The following FANCA variants were observed in gnomAD, a reference collection of about 807,000 sequenced individuals.
The protein encoded by FANCA is FA complementation group A.
FANCA carries 236 observed loss-of-function variants against 194.3 expected under a neutral mutation model. The observed-to-expected ratio is 1.21, with a 90% confidence interval of 1.09 to 1.35. The LOEUF is 1.35. Ranked by LOEUF, FANCA falls within the 40% of genes most tolerant of loss-of-function variation. FANCA has a pLI of 0.00. For missense variants in FANCA, 2,628 were observed against 1,813.9 expected, an observed-to-expected ratio of 1.45 and a Z score of -8.15; for synonymous variants, 1,014 against 715.8, an observed-to-expected ratio of 1.42 and a Z score of -6.65.
Position 89,770,260 on chromosome 16 carries a change from C to T in FANCA, c.2223-1G>A. 1 of 1,571,974 alleles carries T rather than the reference C, an allele frequency of 6.4e-7. No individual in the cohort carries two copies. Among genetic ancestry groups the T allele is most frequent in the Non-Finnish European group, 8.6e-7 (1 of 1,158,474 alleles). ...GAAGAGGGCAGCCCAGGGACCCTGC[C>T]TGCAGAGACAGCCGTGAAACCATCA... On this transcript the variant is annotated splice_acceptor_variant, in intron 24 of 42. Transcript: ENST00000389301. LOFTEE classifies it high-confidence loss of function.
Position 89,749,781 on chromosome 16 carries a change from C to G in FANCA, c.3188G>C (p.Trp1063Ser), listed in dbSNP as rs1166286386. The change falls in exon 32 of 43, where the codon TGG (tryptophan) becomes TCG (serine). Residue 1063 changes from tryptophan to serine, a missense_variant. By Grantham distance (177) the Trp-to-Ser change is radical (BLOSUM62 -3). Coordinates refer to ENST00000389301, the MANE Select transcript of FANCA (RefSeq NM_000135.4). ...RRRLQALTSG[W>S]SVAASLQRQR... is the part of the protein sequence containing the mutation. ...TCTCTGAAGGCTGGCAGCCACGCTC[C>G]ACCCGCTTGTCAGAGCCTGGAGCCG... 6.2e-7 allele frequency: 1 copy of G among 1,614,232 alleles called. No homozygotes were observed. Among genetic ancestry groups the G allele is most frequent in the Non-Finnish European group, 8.5e-7 (1 of 1,180,036 alleles).
intron 38 of FANCA, 92 bp downstream of exon 38, chr16:89,740,712 G>T: frequency 9.6e-7 from 1 of 1,043,218 alleles, no homozygotes; most frequent in South Asian, 1.3e-5. Context: ...TCCTGAGCTA[G>T]TCTGGAAACC....
chr16:89,759,941 G>A (rs994077314), intron 29 of FANCA, among the ~76,000 whole-genome samples: 5 of 151,814 alleles, frequency 3.3e-5, no homozygotes, highest in African/African-American at 1.2e-4. Flanking sequence ...GGACCTGGGT[G>A]CTCCACCCAC....
At chr16:89,782,832 G>C (rs369381717) in intron 17 of FANCA, 27 bp downstream of exon 17, 23 of 1,599,372 alleles carry the variant, frequency 1.4e-5, no homozygotes, top group African/African-American at 1.2e-4. Flanking sequence ...GACTGGCTGA[G>C]ACCCTGCAGG....
Position 89,749,901 on chromosome 16 carries a change from T to G in FANCA, c.3068A>C (p.Glu1023Ala). The change falls in exon 32 of 43, where the codon GAG (glutamate) becomes GCG (alanine). Residue 1023 changes from glutamate (E) to alanine (A), a missense_variant and splice_region_variant. Transcript: ENST00000389301. ...CTGCAGCTCCAGGTCAGCTACCATC[T>G]CCTGAAAAAGAGCAGTATGCTGGCA... is the stretch of plus-strand genomic sequence containing the variant. ...GNEDIISRLQ[E>A]MVADLELQQD... 1 of 1,613,976 alleles carries G rather than the reference T, an allele frequency of 6.2e-7. No individual in the cohort carries two copies.
intron 41 of FANCA, 29 bp downstream of exon 41, chr16:89,739,104 C>G (rs545928949): frequency 2.5e-6 from 4 of 1,613,980 alleles, no homozygotes; most frequent in East Asian, 2.2e-5. Flanking sequence ...GGGAGCTCCC[C>G]TGGAGGTGGG....
At chr16:89,757,620 G>A (rs1033923085) in intron 30 of FANCA, among the ~76,000 whole-genome samples, 1 of 152,194 alleles carries the variant, frequency 6.6e-6, no homozygotes, top group African/African-American at 2.4e-5. Flanking sequence ...CTTGCCATCT[G>A]TACTGAATGC....
chr16:89,739,247 C>G lies in FANCA; in HGVS notation c.4053G>C (p.Glu1351Asp), dbSNP rs1477796994. ...TGTCCACAGCAACATGCAGGAAGGC[C>G]TCTTCCCTGATGGCCGCGTCTTCAT... ...YFHEDAAIRE[E>D]AFLHVAVDMY... Residue 1351 changes from glutamate to aspartate, a missense_variant, in exon 41 of 43, where the codon GAG becomes GAC. By Grantham distance (45) the Glu-to-Asp change is conservative (BLOSUM62 2). Coordinates refer to ENST00000389301, the MANE Select transcript of FANCA (RefSeq NM_000135.4). The G allele has an allele frequency of 7.4e-6, 12 of 1,614,068 alleles. No individual in the cohort carries two copies. The highest frequency in any genetic ancestry group is 1.0e-5 in the Non-Finnish European group (12 of 1,180,058).
rs1172967239 is a variant in FANCA at position 89,791,976 on chromosome 16, A to C, written c.1176T>G (p.Phe392Leu). 2 of 1,614,084 alleles carry C rather than the reference A, an allele frequency of 1.2e-6. No homozygotes were observed. The highest frequency in any genetic ancestry group is 1.7e-6 in the Non-Finnish European group (2 of 1,180,046). The change falls in exon 13 of 43, where the codon TTT (phenylalanine) becomes TTG (leucine). Residue 392 changes from phenylalanine (F) to leucine (L), a missense_variant. Physicochemically the swap from Phe to Leu is conservative, Grantham distance 22. Coordinates refer to ENST00000389301, the MANE Select transcript of FANCA (RefSeq NM_000135.4). ...GAAAGCAGACAACCAGGGCAGACAC[A>C]AAGGAGAGCACTCTCTGCCAGTGAA... ...QEVHWQRVLS[F>L]VSALVVCFPE...
At chr16:89,752,043 T>C in intron 31 of FANCA, 95 bp downstream of exon 31, 1 of 1,093,962 alleles carries the variant, frequency 9.1e-7, no homozygotes, top group Non-Finnish European at 1.4e-6. Context: ...GTTCTGGGAT[T>C]ACAGGCGTGA....
chr16:89,775,646 C>A, intron 21 of FANCA, 96 bp downstream of exon 21: 1 of 1,024,240 alleles, frequency 9.8e-7, no homozygotes, highest in Non-Finnish European at 1.5e-6. Context: ...ACAGCCACCC[C>A]CGAGCTCACT....
intron 30 of FANCA, among the ~76,000 whole-genome samples, chr16:89,757,697 C>A (rs2038811339): frequency 6.6e-6 from 1 of 152,136 alleles, no homozygotes; most frequent in African/African-American, 2.4e-5. Context: ...TGGACAGCCC[C>A]AGGTACACTC....
intron 26 of FANCA, among the ~76,000 whole-genome samples, chr16:89,767,443 C>T (rs550011626): frequency 7.2e-5 from 11 of 152,100 alleles, no homozygotes; most frequent in East Asian, 3.9e-4. Flanking sequence ...CCTGGGCTCA[C>T]TGCAATCTCT....
intron 30 of FANCA, among the ~76,000 whole-genome samples, chr16:89,753,430 C>A (rs1281175133): frequency 6.6e-6 from 1 of 152,112 alleles, no homozygotes; most frequent in African/African-American, 2.4e-5. Flanking sequence ...AGGGAGAGAC[C>A]CACCGACCCT....
At chr16:89,778,380 T>C (rs541819769) in intron 20 of FANCA, 3 of 376,310 alleles carry the variant, frequency 8.0e-6, no homozygotes, top group African/African-American at 2.3e-5. Flanking sequence ...GCAGGACAAT[T>C]GCTCCAACCC....
rs1052228819 is a variant in FANCA, at chr16:89,737,598, C to T, written c.*1003G>A. 7 of 892,074 alleles carry T rather than the reference C, an allele frequency of 7.8e-6. No homozygotes were observed. Among genetic ancestry groups the T allele is most frequent in the Non-Finnish European group, 6.5e-6 (4 of 616,912 alleles). 55.3% of individuals were successfully genotyped at this position (892,074 alleles called of 1,614,324 possible). Reference sequence around the variant, plus strand: ...TCTTTAAAAACCATCCTGAAATGCACACAGCTGATGAAGCCACGTGACAGT... The same window carrying T: ...TCTTTAAAAACCATCCTGAAATGCATACAGCTGATGAAGCCACGTGACAGT... On this transcript the variant is annotated 3_prime_UTR_variant, in exon 43 of 43. Transcript: ENST00000389301.
At chr16:89,799,584 G>C in intron 9 of FANCA, 21 bp downstream of exon 9, 6 of 1,609,714 alleles carry the variant, frequency 3.7e-6, no homozygotes, top group Non-Finnish European at 5.1e-6. Context: ...TACAGTCTGG[G>C]CTGCAGTGCA....
At chr16:89,805,549 C>T (rs769522904) in intron 6 of FANCA, among the ~76,000 whole-genome samples, 157 bp from the exon 7 acceptor site, 1 of 152,068 alleles carries the variant, frequency 6.6e-6, no homozygotes, top group South Asian at 2.1e-4. Flanking sequence ...CCCTCGACCT[C>T]CCAGGCTCAA....
Position 89,748,683 on chromosome 16 carries a change from G to C in FANCA, c.3324C>G (p.Phe1108Leu). 1.9e-6 allele frequency: 3 copies of C among 1,614,086 alleles called. No homozygotes were observed. Among genetic ancestry groups the C allele is most frequent in the Non-Finnish European group, 1.7e-6 (2 of 1,179,952 alleles). The change falls in exon 33 of 43, where the codon TTC becomes TTG. Residue 1108 changes from phenylalanine to leucine, a missense_variant. Phe to Leu is a conservative substitution (Grantham distance 22, BLOSUM62 0). Coordinates refer to ENST00000389301, the MANE Select transcript of FANCA (RefSeq NM_000135.4). The stretch of plus-strand genomic sequence containing the variant: ...CCATCTCAGAGTTGACCAAGTGGAA[G>C]AACTGCTCGCATCTGGCAGTGATGG... The part of the protein sequence containing the change: ...EQPITARCEQ[F>L]FHLVNSEMRN...
Sources: gnomAD v4.1 joint callset for allele counts (sites outside exome capture counted in the v4.1 genomes callset) on GRCh38, gnomAD v4.1.1 for gene constraint, MANE v1.5 for transcripts, NCBI Gene and HGNC (gene_info 2026-07-23, HGNC 2026-07-21) for gene names.